Variants in CCDC102B observed in about 807,000 individuals in gnomAD.
The protein encoded by CCDC102B is coiled-coil domain-containing protein 102B.
In CCDC102B, 75 loss-of-function variants were observed where a neutral mutation model predicts 57.4. The ratio of observed to expected loss-of-function variants is 1.31; its 90% confidence interval spans 1.08 to 1.58. CCDC102B has a LOEUF of 1.58. Among genes scored for constraint, CCDC102B ranks in the 40% most tolerant of loss-of-function variants. The pLI, the probability that CCDC102B is intolerant of heterozygous loss-of-function variation, is 0.00. For synonymous variants in CCDC102B, 206 were observed against 201.9 expected, an observed-to-expected ratio of 1.02 and a Z score of -0.17; for missense variants, 636 against 582.6, an observed-to-expected ratio of 1.09 and a Z score of -0.94.
chr18:68,715,907 AG>A (rs2031936224), intron 1 of CCDC102B, among the ~76,000 whole-genome samples: 1 of 152,168 alleles, frequency 6.6e-6, no homozygotes, highest in Non-Finnish European at 1.5e-5. Flanking sequence ...CAACAACAGA[AG>A]GGGGATATGA....
intron 2 of CCDC102B, among the ~76,000 whole-genome samples, chr18:68,758,055 A>G (rs1259780330): frequency 1.3e-5 from 2 of 152,206 alleles, no homozygotes; most frequent in South Asian, 2.1e-4. Flanking sequence ...ATATATTACA[A>G]GCTATTCTTC....
rs74760616 is a variant in CCDC102B at position 68,852,530 on chromosome 18, C to T, written c.936+6109C>T. 8.1e-3 allele frequency among the ~76,000 whole-genome samples: 1,230 copies of T among 152,198 alleles called. 17 individuals carry two copies. Among genetic ancestry groups the T allele is most frequent in the African/African-American group, 0.028 (1,177 of 41,540 alleles). ...ATTTCTAGATTACTTATAATTCCTACACACCATTTCATTCATGTGGAGTCA... is the reference window on the plus strand; with the variant it reads ...ATTTCTAGATTACTTATAATTCCTATACACCATTTCATTCATGTGGAGTCA... On this transcript the variant is annotated intron_variant, in intron 4 of 7. Transcript: ENST00000360242.
intron 2 of CCDC102B, among the ~76,000 whole-genome samples, chr18:68,733,497 T>TATATA (rs1491002063): frequency 3.3e-5 from 3 of 91,164 alleles, no homozygotes; most frequent in Non-Finnish European, 6.3e-5. Context: ...TATATATATA[T>TATATA]ATATATATAT....
intron 5 of CCDC102B, among the ~76,000 whole-genome samples, chr18:68,892,688 A>G (rs1420625031): frequency 2.0e-5 from 3 of 152,122 alleles, no homozygotes; most frequent in Non-Finnish European, 4.4e-5. Context: ...CTATTTTTGT[A>G]TTGATTACAA....
intron 6 of CCDC102B, among the ~76,000 whole-genome samples, chr18:68,912,578 T>G (rs1232144841): frequency 6.6e-6 from 1 of 152,226 alleles, no homozygotes; most frequent in East Asian, 1.9e-4. Context: ...ATAAGTTATT[T>G]ATATGATGAC....
At chr18:68,892,263 C>T (rs902599427) in intron 5 of CCDC102B, among the ~76,000 whole-genome samples, 9 of 152,088 alleles carry the variant, frequency 5.9e-5, no homozygotes, top group African/African-American at 1.9e-4. Flanking sequence ...AAACAATGAC[C>T]CTTGTACTTT....
intron 6 of CCDC102B, among the ~76,000 whole-genome samples, chr18:68,967,072 G>C (rs2050182810): frequency 6.6e-6 from 1 of 152,110 alleles, no homozygotes; most frequent in Non-Finnish European, 1.5e-5. Flanking sequence ...ACACCTCCTA[G>C]AGTTTATGGA....
intron 4 of CCDC102B, among the ~76,000 whole-genome samples, chr18:68,853,060 A>G (rs1169385425): frequency 6.6e-6 from 1 of 152,152 alleles, no homozygotes; most frequent in African/African-American, 2.4e-5. Flanking sequence ...TTCACCCAAT[A>G]TTCTTACTTC....
intron 7 of CCDC102B, among the ~76,000 whole-genome samples, chr18:69,038,029 A>G (rs2052341164): frequency 6.6e-6 from 1 of 152,054 alleles, no homozygotes; most frequent in Non-Finnish European, 1.5e-5. Context: ...CAGATTTATA[A>G]AATATCAGAA....
intron 7 of CCDC102B, among the ~76,000 whole-genome samples, chr18:69,044,279 T>G (rs1476883489): frequency 6.6e-6 from 1 of 152,128 alleles, no homozygotes; most frequent in African/African-American, 2.4e-5. Context: ...GAACATTGCT[T>G]CCAAAAACAA....
intron 7 of CCDC102B, among the ~76,000 whole-genome samples, chr18:69,023,183 C>T (rs7227675): frequency 0.98 from 149,908 of 152,242 alleles, 73,842 homozygotes; most frequent in East Asian, 1. Context: ...GACAAATGCA[C>T]TTCCTAGTTA....
intron 6 of CCDC102B, among the ~76,000 whole-genome samples, chr18:68,969,836 A>G (rs147122214): frequency 0.013 from 2,013 of 152,222 alleles, 41 homozygotes; most frequent in African/African-American, 0.045. Context: ...TTTAACCAAT[A>G]ATTTCAGAAG....
At chr18:68,932,697 G>A (rs929722523) in intron 6 of CCDC102B, among the ~76,000 whole-genome samples, 2 of 151,836 alleles carry the variant, frequency 1.3e-5, no homozygotes, top group Admixed American at 6.6e-5. Flanking sequence ...ACAAAACACC[G>A]TTATGACAGT....
At chr18:68,973,946 G>A (rs953625588) in intron 6 of CCDC102B, among the ~76,000 whole-genome samples, 2 of 151,912 alleles carry the variant, frequency 1.3e-5, no homozygotes, top group African/African-American at 4.8e-5. Flanking sequence ...GCATCTTAGC[G>A]GCTGCAACAT....
chr18:68,857,362 T>TA (rs1252366016), intron 4 of CCDC102B, among the ~76,000 whole-genome samples: 1 of 99,684 alleles, frequency 1.0e-5, no homozygotes, highest in Non-Finnish European at 1.9e-5. Flanking sequence ...AATATATATA[T>TA]TTATTTCTAT....
chr18:68,870,857 G>T (rs2144918035), intron 4 of CCDC102B, among the ~76,000 whole-genome samples: 1 of 152,288 alleles, frequency 6.6e-6, no homozygotes, highest in African/African-American at 2.4e-5. Flanking sequence ...GTTAAAATGT[G>T]AGGCAAAATG....
At chr18:68,750,926 T>C (rs1339240686) in intron 2 of CCDC102B, among the ~76,000 whole-genome samples, 7 of 151,718 alleles carry the variant, frequency 4.6e-5, no homozygotes, top group African/African-American at 1.7e-4. Flanking sequence ...TGTGCACATG[T>C]ACCCTAGAAC....
intron 6 of CCDC102B, among the ~76,000 whole-genome samples, chr18:68,997,090 A>G (rs1461270057): frequency 6.6e-6 from 1 of 152,128 alleles, no homozygotes; most frequent in African/African-American, 2.4e-5. Context: ...GCCACCATGT[A>G]AAGAAGGTGC....
chr18:69,048,924 ACT>A (rs1442279727), intron 7 of CCDC102B, among the ~76,000 whole-genome samples: 2 of 151,380 alleles, frequency 1.3e-5, no homozygotes, highest in Non-Finnish European at 2.9e-5. Context: ...TTATTTTTAA[ACT>A]CTTGGTTTTT....
Sources: gnomAD v4.1 joint callset for allele counts (sites outside exome capture counted in the v4.1 genomes callset) on GRCh38, gnomAD v4.1.1 for gene constraint, MANE v1.5 for transcripts, NCBI Gene and HGNC (gene_info 2026-07-23, HGNC 2026-07-21) for gene names.